Variants in EPHB1 observed in about 807,000 individuals in gnomAD.
EPHB1 encodes EPH receptor B1.
A neutral mutation model predicts 94.4 loss-of-function variants in EPHB1; 30 were observed. The observed-to-expected ratio is 0.32, with a 90% confidence interval of 0.24 to 0.43. The LOEUF is 0.43. Among genes scored for constraint, EPHB1 ranks in the 20% least tolerant of loss-of-function variants. The probability of loss-of-function intolerance (pLI) is 1.00; values close to 1 mark genes in which losing one functional copy is unlikely to be tolerated. For missense variants in EPHB1, 1,055 were observed against 1,308.3 expected (o/e 0.81, Z 2.99); for synonymous variants, 522 against 489.1 (o/e 1.07, Z -0.89).
At chr3:134,980,488 A>G (rs1167715715) in intron 3 of EPHB1, among the ~76,000 whole-genome samples, 3 of 152,106 alleles carry the variant, frequency 2.0e-5, no homozygotes, top group Non-Finnish European at 4.4e-5. Context: ...CAAGAATTTG[A>G]AGCCTTTACT....
At position 134,937,996 on chromosome 3, in the gene EPHB1, G is replaced by C. The variant is rs551423658; in HGVS notation, c.123+12116G>C. Among the ~76,000 whole-genome samples the C allele has an allele frequency of 2.7e-5, 4 of 149,574 alleles. No homozygotes were observed. In the South Asian group the frequency reaches 8.5e-4, roughly 32 times the overall value. On this transcript the variant is annotated intron_variant, in intron 2 of 15. Transcript: ENST00000398015. The stretch of plus-strand genomic sequence containing the variant: ...TGGCTGGTGGGGTGGGCGATGAGTT[G>C]GGGAAATGGGAAAGGAGGAAAGGGG...
intron 1 of EPHB1, among the ~76,000 whole-genome samples, chr3:134,845,845 T>C (rs2036862481): frequency 6.6e-6 from 1 of 152,198 alleles, no homozygotes; most frequent in African/African-American, 2.4e-5. Context: ...CAAGCTCTCC[T>C]TCCATTTTTC....
At chr3:135,033,397 T>C (rs1178714420) in intron 3 of EPHB1, among the ~76,000 whole-genome samples, 1 of 152,198 alleles carries the variant, frequency 6.6e-6, no homozygotes, top group Non-Finnish European at 1.5e-5. Flanking sequence ...ACCAGTCAAC[T>C]CACACCTGTA....
intron 3 of EPHB1, among the ~76,000 whole-genome samples, chr3:135,101,726 G>C (rs1435267772): frequency 2.6e-5 from 4 of 152,286 alleles, no homozygotes; most frequent in African/African-American, 9.6e-5. Flanking sequence ...AATTCTATGA[G>C]AAAGTATAGC....
At chr3:135,173,299 G>T (rs1941868370) in intron 9 of EPHB1, among the ~76,000 whole-genome samples, 1 of 152,150 alleles carries the variant, frequency 6.6e-6, no homozygotes, top group Non-Finnish European at 1.5e-5. Context: ...CTCCCAAAGT[G>T]CTGGGATTAC....
In EPHB1 at chr3:135,162,711, G is replaced by A. The variant is rs139849177; in HGVS notation, c.1585+531G>A. Among the ~76,000 whole-genome samples the A allele has an allele frequency of 2.6e-5, 4 of 152,280 alleles. No homozygotes were observed. The East Asian group carries it at 7.7e-4, about 29-fold the overall frequency. On this transcript the variant is annotated intron_variant, in intron 7 of 15. Coordinates refer to ENST00000398015, the MANE Select transcript of EPHB1 (RefSeq NM_004441.5). ...GGATGTCTCCAGAGAGAATAGCCAA[G>A]GTGTCCTCAAGGCCAGAAAGTCTAT...
chr3:135,061,690 G>A (rs1001654399), intron 3 of EPHB1, among the ~76,000 whole-genome samples: 1 of 151,814 alleles, frequency 6.6e-6, no homozygotes, highest in Non-Finnish European at 1.5e-5. Flanking sequence ...TGGGTGTGCT[G>A]CACCCATTAA....
At position 134,816,314 on chromosome 3, in the gene EPHB1, G is replaced by A. The variant is rs112631310; in HGVS notation, c.58+20625G>A. The stretch of plus-strand genomic sequence containing the variant: ...TCACCATGTTGGCCAGGCTGGTTTC[G>A]AACTCCTGACCTCAAATGCTCCGCC... On this transcript the variant is annotated intron_variant, in intron 1 of 15. Transcript: ENST00000398015. 8.4e-3 allele frequency among the ~76,000 whole-genome samples: 1,275 copies of A among 151,866 alleles called. 16 individuals carry two copies. The highest frequency in any genetic ancestry group is 0.029 in the African/African-American group (1,182 of 41,428).
intron 3 of EPHB1, among the ~76,000 whole-genome samples, chr3:135,013,465 G>A (rs554254424): frequency 7.9e-5 from 12 of 152,316 alleles, no homozygotes; most frequent in Non-Finnish European, 1.3e-4. Context: ...CGAGGAATCC[G>A]TATGTCGGAA....
chr3:135,174,849 T>C (rs1941930122), intron 9 of EPHB1, among the ~76,000 whole-genome samples: 1 of 152,204 alleles, frequency 6.6e-6, no homozygotes, highest in African/African-American at 2.4e-5. Flanking sequence ...TTCTCATTGG[T>C]CTGTTCAAAC....
intron 3 of EPHB1, among the ~76,000 whole-genome samples, chr3:135,003,088 A>G (rs989588036): frequency 4.9e-4 from 75 of 151,668 alleles, no homozygotes; most frequent in Admixed American, 1.5e-3. Flanking sequence ...TTTCTCTTGT[A>G]GGCATTTAGT....
At chr3:135,226,381 A>G (rs1943401860) in intron 12 of EPHB1, among the ~76,000 whole-genome samples, 1 of 152,208 alleles carries the variant, frequency 6.6e-6, no homozygotes, top group Admixed American at 6.5e-5. Context: ...GCTCAGTAAC[A>G]GTTTGTGGAA....
At chr3:135,185,998 A>G (rs1942319026) in intron 10 of EPHB1, among the ~76,000 whole-genome samples, 1 of 152,188 alleles carries the variant, frequency 6.6e-6, no homozygotes, top group South Asian at 2.1e-4. Flanking sequence ...TCTAAGTGTG[A>G]TCAGTTATCA....
intron 2 of EPHB1, among the ~76,000 whole-genome samples, chr3:134,929,106 C>T (rs903790226): frequency 7.5e-4 from 114 of 152,070 alleles, no homozygotes; most frequent in African/African-American, 2.4e-3. Flanking sequence ...GCTTGGTAGA[C>T]GGAGGGAACA....
chr3:135,144,948 A>T (rs1317416122), intron 5 of EPHB1, among the ~76,000 whole-genome samples: 4 of 152,194 alleles, frequency 2.6e-5, no homozygotes, highest in Admixed American at 2.6e-4. Context: ...CAAGAAACCA[A>T]TGTCCACAAT....
At chr3:134,892,117 T>C (rs1466286147) in intron 1 of EPHB1, among the ~76,000 whole-genome samples, 1 of 152,244 alleles carries the variant, frequency 6.6e-6, no homozygotes, top group Non-Finnish European at 1.5e-5. Flanking sequence ...GTTGAATTTA[T>C]AAAGGAGCTA....
chr3:135,159,198 A>T (rs75109317), intron 6 of EPHB1, among the ~76,000 whole-genome samples: 3,037 of 152,274 alleles, frequency 0.02, 89 homozygotes, highest in African/African-American at 0.07. Flanking sequence ...ATAATAATAA[A>T]AAAAAGCAAC....
intron 12 of EPHB1, among the ~76,000 whole-genome samples, chr3:135,225,949 G>A (rs1943386668): frequency 1.3e-5 from 2 of 152,212 alleles, no homozygotes; most frequent in African/African-American, 4.8e-5. Flanking sequence ...TAAGGAATGG[G>A]AAAATGGAAA....
chr3:135,147,877 CCA>C (rs1270885485), intron 5 of EPHB1, among the ~76,000 whole-genome samples: 3 of 152,136 alleles, frequency 2.0e-5, no homozygotes, highest in African/African-American at 7.2e-5. Context: ...CAATTTCCAC[CCA>C]CACACACAAC....
Sources: allele counts gnomAD v4.1 joint callset (sites outside exome capture counted in the v4.1 genomes callset), GRCh38; gene constraint gnomAD v4.1.1; transcripts MANE v1.5; gene names NCBI Gene and HGNC (gene_info 2026-07-23, HGNC 2026-07-21).